Variants in ZDHHC8 observed in about 807,000 individuals in gnomAD.
ZDHHC8 encodes the protein zDHHC palmitoyltransferase 8.
A neutral mutation model predicts 61.2 loss-of-function variants in ZDHHC8; 24 were observed. The ratio of observed to expected loss-of-function variants is 0.39; its 90% CI spans 0.28 to 0.55. The LOEUF is 0.55. ZDHHC8 is among the 20% of genes least tolerant of loss of function. ZDHHC8 has a pLI of 0.60. For synonymous variants in ZDHHC8, 523 were observed against 492.5 expected, an observed-to-expected ratio of 1.06 and a Z score of -0.82; for missense variants, 935 against 1,102.1, an observed-to-expected ratio of 0.85 and a Z score of 2.15.
chr22:20,145,228 G>A lies in ZDHHC8; in HGVS notation c.2127-1G>A. ...GTGTGTATGTGCTTGTTTTGATGCA[G>A]GGACCACCCTCAGCTGAAGACTCCC... On this transcript the variant is annotated splice_acceptor_variant, in intron 10 of 10. Coordinates refer to ENST00000334554, the MANE Select transcript of ZDHHC8 (RefSeq NM_013373.4). LOFTEE classifies it high-confidence loss of function. 6.7e-7 allele frequency: 1 copy of A among 1,484,522 alleles called. No homozygotes were observed. Among genetic ancestry groups the A allele is most frequent in the Non-Finnish European group, 9.0e-7 (1 of 1,116,156 alleles). The allele number at this position is 1,484,522 out of a possible 1,614,324, so 92.0% of individuals were successfully genotyped here.
At chr22:20,139,080 C>T (rs2050444857) in intron 1 of ZDHHC8, 114 bp from the exon 2 acceptor site, 2 of 1,465,484 alleles carry the variant, frequency 1.4e-6, no homozygotes, top group African/African-American at 1.4e-5. Flanking sequence ...CTCCCCACTG[C>T]CTCTGAGCTC....
intron 1 of ZDHHC8, among the ~76,000 whole-genome samples, chr22:20,138,700 G>A (rs2050441661): frequency 6.6e-6 from 1 of 152,148 alleles, no homozygotes; most frequent in Non-Finnish European, 1.5e-5. Flanking sequence ...GCCTGACTGG[G>A]AAGAGTAGGG....
At chr22:20,144,646 G>A (rs528434531) in intron 10 of ZDHHC8, among the ~76,000 whole-genome samples, 1 of 152,334 alleles carries the variant, frequency 6.6e-6, no homozygotes, top group Admixed American at 6.5e-5. Flanking sequence ...TTCAGCTTTT[G>A]TGGAGTTGGG....
intron 10 of ZDHHC8, among the ~76,000 whole-genome samples, chr22:20,144,429 C>T (rs1232065544): frequency 6.6e-6 from 1 of 152,214 alleles, no homozygotes; most frequent in Non-Finnish European, 1.5e-5. Flanking sequence ...AGGACCCACG[C>T]CACAGACGCA....
In ZDHHC8 at chr22:20,143,035, G is replaced by A. The variant is rs200092859; in HGVS notation, c.1405G>A (p.Ala469Thr). Residue 469 changes from alanine (A) to threonine (T), a missense_variant, in exon 10 of 11, where the codon GCA becomes ACA. Transcript: ENST00000334554. ...CCACCGTAGCATTTTTGCCCCCCAT[G>A]CACTGCCCAACCGCAACGGCAGCCT... ...TPHRSIFAPHALPNRNGSLSY... is the reference protein window; with the variant it reads ...TPHRSIFAPHTLPNRNGSLSY... The A allele has an allele frequency of 3.7e-6, 6 of 1,612,460 alleles. No homozygotes were observed. The highest frequency in any genetic ancestry group is 5.1e-6 in the Non-Finnish European group (6 of 1,179,850).
intron 9 of ZDHHC8, 143 bp downstream of exon 9, chr22:20,141,673 C>A: frequency 1.4e-6 from 1 of 729,654 alleles, no homozygotes; most frequent in Non-Finnish European, 2.3e-6. Flanking sequence ...GAGGCCATGC[C>A]CCTCAGGGCT....
At chr22:20,133,075 C>T (rs955199797) in intron 1 of ZDHHC8, among the ~76,000 whole-genome samples, 4 of 152,210 alleles carry the variant, frequency 2.6e-5, no homozygotes, top group African/African-American at 4.8e-5. Context: ...GGGGCCCCCA[C>T]GTGCATCGCA....
At position 20,146,784 on chromosome 22, in the gene ZDHHC8, G is replaced by T; in HGVS notation, c.*1384G>T. The T allele has an allele frequency of 8.1e-7, 1 of 1,230,408 alleles. No homozygotes were observed. Among genetic ancestry groups the T allele is most frequent in the South Asian group, 4.0e-5 (1 of 25,240 alleles). 76.2% of individuals were successfully genotyped at this position (1,230,408 alleles called of 1,614,324 possible). A position where few individuals can be genotyped will look rare whatever the true frequency, so the allele number is the denominator to read the frequency against. ...CCGAGAGCTTGGGGAGATGAAATGG[G>T]GGTGCATAGGGGCCACCTGTTGGCT... On this transcript the variant is annotated 3_prime_UTR_variant, in exon 11 of 11. Transcript: ENST00000334554.
chr22:20,137,431 TCAGCACTGGGAGGA>T (rs1228134870), intron 1 of ZDHHC8, among the ~76,000 whole-genome samples: 1 of 152,126 alleles, frequency 6.6e-6, no homozygotes. Context: ...CATCCTGAGG[TCAGCACTGGGAGGA>T]CAGAGGCTGC....
chr22:20,141,031 G>T lies in ZDHHC8; in HGVS notation c.894+19G>T. 1 of 1,609,686 alleles carries T rather than the reference G, an allele frequency of 6.2e-7. No individual in the cohort carries two copies. The highest frequency in any genetic ancestry group is 1.3e-5 in the African/African-American group (1 of 75,070). ...TAGCAAGGTGGGCGCCTGGGCTTAG[G>T]GATGGGCTGGCAGTCAGGCCCTTGG... is the stretch of plus-strand genomic sequence containing the variant. On this transcript the variant is annotated intron_variant, in intron 7 of 10. Transcript: ENST00000334554.
intron 1 of ZDHHC8, 24 bp downstream of exon 1, chr22:20,132,075 G>A: frequency 8.0e-7 from 1 of 1,250,012 alleles, no homozygotes; most frequent in Non-Finnish European, 1.0e-6. Flanking sequence ...GCGTCTGGGG[G>A]CACGCGGGCA....
At chr22:20,140,403 TG>T in intron 5 of ZDHHC8, 186 bp downstream of exon 5, 1 of 773,834 alleles carries the variant, frequency 1.3e-6, no homozygotes, top group African/African-American at 1.8e-5. Flanking sequence ...ATCCTGCCTG[TG>T]GACACTGTGG....
chr22:20,145,250 TC>T lies in ZDHHC8; in HGVS notation c.2153del (p.Pro718GlnfsTer51). ...VQRDHPQLKTPPSKLNGQSPG... is the reference protein window; with the variant it reads ...VQRDHPQLKTXPSKLNGQSPG... ...GCAGGGACCACCCTCAGCTGAAGAC[TC>T]CCCCAAGTAAGCTTAATGGGCAGTC... On this transcript the variant is annotated frameshift_variant, in exon 11 of 11. Transcript: ENST00000334554. LOFTEE classifies it high-confidence loss of function. The T allele has an allele frequency of 6.6e-7, 1 of 1,511,002 alleles. No individual in the cohort carries two copies. Among genetic ancestry groups the T allele is most frequent in the Non-Finnish European group, 8.9e-7 (1 of 1,129,730 alleles). 93.6% of individuals were successfully genotyped at this position (1,511,002 alleles called of 1,614,324 possible). A position where few individuals can be genotyped will look rare whatever the true frequency, so the allele number is the denominator to read the frequency against.
At chr22:20,135,125 T>A (rs1308341950) in intron 1 of ZDHHC8, among the ~76,000 whole-genome samples, 1 of 151,948 alleles carries the variant, frequency 6.6e-6, no homozygotes, top group Non-Finnish European at 1.5e-5. Context: ...TTTTTTGTTT[T>A]TTTTTAGTAG....
Position 20,145,214 on chromosome 22 carries a change from C to T in ZDHHC8, c.2127-15C>T, listed in dbSNP as rs768382005. Reference sequence around the variant, plus strand: ...TTCACCGTGTGCATGTGTGTATGTGCTTGTTTTGATGCAGGGACCACCCTC... The same window carrying T: ...TTCACCGTGTGCATGTGTGTATGTGTTTGTTTTGATGCAGGGACCACCCTC... On this transcript the variant is annotated splice_polypyrimidine_tract_variant and intron_variant, in intron 10 of 10. Coordinates refer to ENST00000334554, the MANE Select transcript of ZDHHC8 (RefSeq NM_013373.4). The T allele has an allele frequency of 1.2e-5, 18 of 1,477,594 alleles. No homozygotes were observed. The highest frequency in any genetic ancestry group is 2.4e-5 in the Admixed American group (1 of 41,062). The allele number at this position is 1,477,594 out of a possible 1,614,324, so 91.5% of individuals were successfully genotyped here. A position where few individuals can be genotyped will look rare whatever the true frequency, so the allele number is the denominator to read the frequency against.
rs771986320 is a variant in ZDHHC8, at chr22:20,132,062, G to A, written c.104+11G>A. 2 of 1,283,988 alleles carry A rather than the reference G, an allele frequency of 1.6e-6. No homozygotes were observed. The highest frequency in any genetic ancestry group is 5.3e-5 in the Admixed American group (2 of 38,048). 79.5% of individuals were successfully genotyped at this position (1,283,988 alleles called of 1,614,324 possible). Reference sequence around the variant, plus strand: ...CTTCTTCGTGTTCACGTGAGTCGGCGCCGCGTCTGGGGGCACGCGGGCAGC... The same window carrying A: ...CTTCTTCGTGTTCACGTGAGTCGGCACCGCGTCTGGGGGCACGCGGGCAGC... On this transcript the variant is annotated intron_variant, in intron 1 of 10. Transcript: ENST00000334554.
Position 20,147,375 on chromosome 22 carries a change from GC to G in ZDHHC8, c.*1977del. 3 of 869,050 alleles carry G rather than the reference GC, an allele frequency of 3.5e-6. No individual in the cohort carries two copies. Among genetic ancestry groups the G allele is most frequent in the Non-Finnish European group, 3.3e-6 (2 of 609,560 alleles). The allele number at this position is 869,050 out of a possible 1,614,324, so 53.8% of individuals were successfully genotyped here. On this transcript the variant is annotated 3_prime_UTR_variant, in exon 11 of 11. Coordinates refer to ENST00000334554, the MANE Select transcript of ZDHHC8 (RefSeq NM_013373.4). ...CCACAGCTTGACAGATTCCCAGCCT[GC>G]CAGGGCCTGAGACCCTGTGTCCACA...
chr22:20,132,344 G>C (rs1442783004), intron 1 of ZDHHC8, among the ~76,000 whole-genome samples: 1 of 152,232 alleles, frequency 6.6e-6, no homozygotes, highest in Non-Finnish European at 1.5e-5. Context: ...CCTGGCAGGG[G>C]AGGAGGCCGG....
At position 20,141,012 on chromosome 22, in the gene ZDHHC8, G is replaced by A. The variant is rs1229576790; in HGVS notation, c.894G>A (p.Lys298=). The A allele has an allele frequency of 6.2e-7, 1 of 1,610,670 alleles. No homozygotes were observed. The highest frequency in any genetic ancestry group is 1.3e-5 in the African/African-American group (1 of 74,954). Residue 298 remains lysine, a splice_region_variant and synonymous_variant, in exon 7 of 11, where the codon AAG becomes AAA. Transcript: ENST00000334554. Reference sequence around the variant, plus strand: ...TGAAGGCTGGCCTGGGCCGTAGCAAGGTGGGCGCCTGGGCTTAGGGATGGG... The same window carrying A: ...TGAAGGCTGGCCTGGGCCGTAGCAAAGTGGGCGCCTGGGCTTAGGGATGGG... The part of the protein sequence containing the change: ...NGLKAGLGRS[K]SKGSLDRLDE...
Sources: allele counts gnomAD v4.1 joint callset (sites outside exome capture counted in the v4.1 genomes callset), GRCh38; gene constraint gnomAD v4.1.1; transcripts MANE v1.5; gene names NCBI Gene and HGNC (gene_info 2026-07-23, HGNC 2026-07-21).